GRIP1: variants seen among roughly 807,000 people sequenced by gnomAD.
GRIP1 encodes glutamate receptor interacting protein 1.
Under a neutral mutation model 129.9 loss-of-function variants are expected in GRIP1, and 45 were observed. The observed-to-expected ratio is 0.35, with a 90% CI of 0.27 to 0.44. The LOEUF (loss-of-function observed/expected upper bound fraction) is 0.44. GRIP1 is among the 20% of genes least tolerant of loss of function. The pLI, the probability that GRIP1 is intolerant of heterozygous loss-of-function variation, is 1.00. For missense variants in GRIP1, 1,196 were observed against 1,396.8 expected (o/e 0.86, Z 2.29); for synonymous variants, 530 against 520.8 (o/e 1.02, Z -0.24).
intron 1 of GRIP1, among the ~76,000 whole-genome samples, chr12:66,974,896 G>C (rs1416807647): frequency 1.3e-5 from 2 of 152,112 alleles, no homozygotes; most frequent in African/African-American, 4.8e-5. Flanking sequence ...TGTAAAATTT[G>C]TAAAAATAAA....
intron 1 of GRIP1, among the ~76,000 whole-genome samples, chr12:66,893,139 T>A (rs1355799856): frequency 1.3e-5 from 2 of 152,212 alleles, no homozygotes; most frequent in Non-Finnish European, 2.9e-5. Flanking sequence ...TTTGAACATG[T>A]TATATAAGTG....
intron 1 of GRIP1, among the ~76,000 whole-genome samples, chr12:66,768,778 T>C (rs1459703930): frequency 6.6e-6 from 1 of 152,130 alleles, no homozygotes; most frequent in African/African-American, 2.4e-5. Flanking sequence ...GTTTTTCACA[T>C]AACAGGGTGA....
chr12:66,776,652 C>T (rs2037990981), intron 1 of GRIP1, among the ~76,000 whole-genome samples: 1 of 152,160 alleles, frequency 6.6e-6, no homozygotes, highest in Non-Finnish European at 1.5e-5. Context: ...CTGTAAAGTG[C>T]AAATCCATTT....
In GRIP1 at chr12:66,445,524, G is replaced by C; in HGVS notation, c.1355-16C>G. 1 of 1,595,758 alleles carries C rather than the reference G, an allele frequency of 6.3e-7. No individual in the cohort carries two copies. Among genetic ancestry groups the C allele is most frequent in the Non-Finnish European group, 8.6e-7 (1 of 1,166,834 alleles). ...GCTAAGGACACTAGAGGAACAAACAGAAAATACTGACTTTAGGTTGGAGCA... is the reference window on the plus strand; with the variant it reads ...GCTAAGGACACTAGAGGAACAAACACAAAATACTGACTTTAGGTTGGAGCA... On this transcript the variant is annotated splice_polypyrimidine_tract_variant and intron_variant, in intron 11 of 24. Transcript: ENST00000359742.
intron 5 of GRIP1, among the ~76,000 whole-genome samples, chr12:66,528,859 CAG>C (rs2061351894): frequency 6.6e-6 from 1 of 151,984 alleles, no homozygotes; most frequent in Admixed American, 6.6e-5. Flanking sequence ...TTTTCTAACC[CAG>C]AGAGTGAGAG....
intron 14 of GRIP1, among the ~76,000 whole-genome samples, chr12:66,421,036 C>A (rs1167364141): frequency 6.6e-6 from 1 of 152,110 alleles, no homozygotes; most frequent in Non-Finnish European, 1.5e-5. Context: ...TGGATAAGTA[C>A]CCATTTAATT....
chr12:66,785,355 T>TATATATAC (rs2038303992), intron 1 of GRIP1, among the ~76,000 whole-genome samples: 1 of 139,558 alleles, frequency 7.2e-6, no homozygotes, highest in Non-Finnish European at 1.5e-5. Flanking sequence ...TATATATATA[T>TATATATAC]ATATATATTA....
intron 1 of GRIP1, among the ~76,000 whole-genome samples, chr12:66,905,881 A>G (rs529129925): frequency 4.8e-4 from 73 of 152,334 alleles, no homozygotes; most frequent in African/African-American, 1.7e-3. Flanking sequence ...CTACAATGTA[A>G]TAGGATAAAT....
chr12:66,386,261 T>C (rs2056352495), intron 19 of GRIP1, among the ~76,000 whole-genome samples: 1 of 152,188 alleles, frequency 6.6e-6, no homozygotes, highest in South Asian at 2.1e-4. Context: ...CAGATTAATA[T>C]TTGTAGCTTT....
chr12:66,544,226 C>T (rs2061875728), intron 2 of GRIP1, among the ~76,000 whole-genome samples: 2 of 152,282 alleles, frequency 1.3e-5, no homozygotes, highest in East Asian at 3.9e-4. Flanking sequence ...CAAATGTTTT[C>T]CTAAGAGCTA....
At chr12:66,516,768 A>G (rs1266209561) in intron 6 of GRIP1, among the ~76,000 whole-genome samples, 1 of 152,196 alleles carries the variant, frequency 6.6e-6, no homozygotes, top group Non-Finnish European at 1.5e-5. Context: ...CCGCTGCAAA[A>G]GCAAATATAC....
Position 66,580,546 on chromosome 12 carries a change from TA to T in GRIP1, c.136+16300del, listed in dbSNP as rs879482394. Among the ~76,000 whole-genome samples, 780 of 151,316 alleles carry T rather than the reference TA, an allele frequency of 5.2e-3. 1 individual carries two copies. The highest frequency in any genetic ancestry group is 8.6e-3 in the Non-Finnish European group (581 of 67,848). ...TGCAGAGACACACATAGGCTCAAAA[TA>T]AAAGGATGGAGGAAGATCTACCAAG... On this transcript the variant is annotated intron_variant, in intron 2 of 24. Transcript: ENST00000359742.
At chr12:66,730,230 TA>T (rs2047468968) in intron 1 of GRIP1, among the ~76,000 whole-genome samples, 1 of 152,160 alleles carries the variant, frequency 6.6e-6, no homozygotes, top group Admixed American at 6.5e-5. Flanking sequence ...CCGTAAAATT[TA>T]AAAAGCACAA....
intron 1 of GRIP1, among the ~76,000 whole-genome samples, chr12:66,884,472 T>C (rs1339627570): frequency 6.6e-6 from 1 of 152,162 alleles, no homozygotes; most frequent in Non-Finnish European, 1.5e-5. Context: ...AGAATTGTAA[T>C]ACGCACGAAC....
intron 2 of GRIP1, among the ~76,000 whole-genome samples, chr12:66,596,604 A>G (rs991387866): frequency 1.3e-5 from 2 of 152,258 alleles, no homozygotes; most frequent in African/African-American, 4.8e-5. Flanking sequence ...AATTCAAGTC[A>G]TTTTGCAAAG....
intron 2 of GRIP1, among the ~76,000 whole-genome samples, chr12:66,548,021 G>T (rs1464149607): frequency 5.3e-5 from 8 of 152,154 alleles, no homozygotes; most frequent in African/African-American, 1.9e-4. Context: ...CCATCAGTGG[G>T]TATATGATTC....
intron 14 of GRIP1, among the ~76,000 whole-genome samples, chr12:66,424,146 A>C (rs1315520599): frequency 6.6e-6 from 1 of 152,212 alleles, no homozygotes; most frequent in African/African-American, 2.4e-5. Flanking sequence ...ATGTGTGTCT[A>C]CAGCTCTTCT....
intron 1 of GRIP1, among the ~76,000 whole-genome samples, chr12:66,769,995 C>T (rs1302993765): frequency 6.6e-6 from 1 of 152,112 alleles, no homozygotes; most frequent in African/African-American, 2.4e-5. Flanking sequence ...CATTTTATCC[C>T]AAATCTGCCA....
intron 1 of GRIP1, among the ~76,000 whole-genome samples, chr12:66,642,415 A>ATG (rs113841598): frequency 3.6e-3 from 544 of 150,824 alleles, no homozygotes; most frequent in Non-Finnish European, 5.2e-3. Flanking sequence ...AAGAGGGTGC[A>ATG]TGTGTGTGTG....
Sources: gnomAD v4.1 joint callset for allele counts (sites outside exome capture counted in the v4.1 genomes callset) on GRCh38, gnomAD v4.1.1 for gene constraint, MANE v1.5 for transcripts, NCBI Gene and HGNC (gene_info 2026-07-23, HGNC 2026-07-21) for gene names.